CAMKMT: variants seen among roughly 807,000 people sequenced by gnomAD.
CAMKMT encodes CaM KMT.
A neutral mutation model predicts 48.0 loss-of-function variants in CAMKMT; 53 were observed. That is an observed-to-expected ratio of 1.10 (90% CI 0.89 to 1.39). The LOEUF (loss-of-function observed/expected upper bound fraction) is 1.39, where lower values mean the gene tolerates loss of function less well. Ranked by LOEUF, CAMKMT falls within the 40% of genes most tolerant of loss-of-function variation. The pLI, the probability that CAMKMT is intolerant of heterozygous loss-of-function variation, is 0.00. For synonymous variants in CAMKMT, 165 were observed against 152.3 expected, an observed-to-expected ratio of 1.08 and a Z score of -0.61; for missense variants, 428 against 402.7, an observed-to-expected ratio of 1.06 and a Z score of -0.54.
At chr2:44,700,953 T>C (rs571431585) in intron 3 of CAMKMT, among the ~76,000 whole-genome samples, 1 of 152,364 alleles carries the variant, frequency 6.6e-6, no homozygotes, top group East Asian at 1.9e-4. Flanking sequence ...AAGTCCCATC[T>C]ATGTTGTAGC....
At chr2:44,546,509 GC>G (rs1667419427) in intron 3 of CAMKMT, among the ~76,000 whole-genome samples, 1 of 152,120 alleles carries the variant, frequency 6.6e-6, no homozygotes, top group Admixed American at 6.5e-5. Context: ...CCTGACATTT[GC>G]TAATGCTATT....
intron 3 of CAMKMT, among the ~76,000 whole-genome samples, chr2:44,538,815 A>G (rs1484164116): frequency 6.6e-6 from 1 of 152,138 alleles, no homozygotes; most frequent in South Asian, 2.1e-4. Flanking sequence ...CCCAAGGAAA[A>G]GTTGCATACC....
intron 3 of CAMKMT, among the ~76,000 whole-genome samples, chr2:44,700,005 T>G (rs1399303355): frequency 2.0e-5 from 3 of 152,252 alleles, no homozygotes; most frequent in African/African-American, 7.2e-5. Context: ...TGTAGTCATC[T>G]TCATCAGTGA....
intron 3 of CAMKMT, among the ~76,000 whole-genome samples, chr2:44,628,712 A>G (rs911617595): frequency 1.3e-5 from 2 of 152,114 alleles, no homozygotes; most frequent in Non-Finnish European, 2.9e-5. Flanking sequence ...AAATTTTGAT[A>G]TGCTATATTT....
intron 3 of CAMKMT, among the ~76,000 whole-genome samples, chr2:44,493,170 C>T (rs1669595141): frequency 6.6e-6 from 1 of 152,122 alleles, no homozygotes; most frequent in Non-Finnish European, 1.5e-5. Context: ...GCTGGGATTA[C>T]AGGCATGAGC....
rs116107958 is a variant in CAMKMT, at chr2:44,483,177, T to C, written c.376+92872T>C. On this transcript the variant is annotated intron_variant, in intron 3 of 10. Coordinates refer to ENST00000378494, the MANE Select transcript of CAMKMT (RefSeq NM_024766.5). ...CTCTACTCTCTTACCTGAATAGATA[T>C]GTCACCCTCAGTCAGTGTGGGGAGA... 3.8e-3 allele frequency among the ~76,000 whole-genome samples: 585 copies of C among 152,296 alleles called. 2 individuals are homozygous for C. Among genetic ancestry groups the C allele is most frequent in the Middle Eastern group, 6.8e-3 (2 of 294 alleles).
chr2:44,695,061 AC>A (rs1676864312), intron 3 of CAMKMT, among the ~76,000 whole-genome samples: 1 of 152,228 alleles, frequency 6.6e-6, no homozygotes, highest in African/African-American at 2.4e-5. Flanking sequence ...TTAGATTAAC[AC>A]TTTAGCTACT....
intron 3 of CAMKMT, among the ~76,000 whole-genome samples, chr2:44,640,923 C>T (rs1162882414): frequency 1.3e-5 from 2 of 152,132 alleles, no homozygotes; most frequent in African/African-American, 4.8e-5. Context: ...ATCATGAGTT[C>T]CATGATCTTC....
chr2:44,455,777 T>C (rs1361965344), intron 3 of CAMKMT, among the ~76,000 whole-genome samples: 2 of 131,410 alleles, frequency 1.5e-5, no homozygotes, highest in Non-Finnish European at 3.3e-5. Flanking sequence ...AAAAAGCTAT[T>C]TTTTTTAATG....
At chr2:44,687,906 A>G (rs1169546706) in intron 3 of CAMKMT, among the ~76,000 whole-genome samples, 1 of 152,248 alleles carries the variant, frequency 6.6e-6, no homozygotes, top group East Asian at 1.9e-4. Flanking sequence ...ACACAAAACA[A>G]AAGAGCAGTT....
At chr2:44,710,189 G>A (rs988752426) in intron 6 of CAMKMT, among the ~76,000 whole-genome samples, 1 of 151,558 alleles carries the variant, frequency 6.6e-6, no homozygotes, top group East Asian at 1.9e-4. Context: ...GCAATGAATG[G>A]ATTGGTTCTG....
At chr2:44,563,872 T>G (rs1558705728) in intron 3 of CAMKMT, among the ~76,000 whole-genome samples, 1 of 152,204 alleles carries the variant, frequency 6.6e-6, no homozygotes, top group Non-Finnish European at 1.5e-5. Context: ...ATCCAGTCTG[T>G]CATTGATGGA....
chr2:44,372,752 C>A lies in CAMKMT; in HGVS notation c.175C>A (p.His59Asn). 6.2e-7 allele frequency: 1 copy of A among 1,613,420 alleles called. No homozygotes were observed. The highest frequency in any genetic ancestry group is 8.5e-7 in the Non-Finnish European group (1 of 1,179,802). ...KQKHLDDCLR[H>N]VSVRRFESFN... ...AAAACACCTGGATGATTGCCTGCGA[C>A]ATGTATCTGTAAGAAGATTTGAATC... Residue 59 changes from histidine to asparagine, a missense_variant, in exon 2 of 11, where the codon CAT becomes AAT. By Grantham distance (68) the His-to-Asn change is moderately conservative. Coordinates refer to ENST00000378494, the MANE Select transcript of CAMKMT (RefSeq NM_024766.5).
chr2:44,479,998 T>A (rs1270234626), intron 3 of CAMKMT, among the ~76,000 whole-genome samples: 1 of 152,186 alleles, frequency 6.6e-6, no homozygotes, highest in Non-Finnish European at 1.5e-5. Context: ...ATTGTTAATG[T>A]TGACTGCTGC....
At chr2:44,717,711 T>G (rs1004955588) in intron 7 of CAMKMT, among the ~76,000 whole-genome samples, 1 of 152,206 alleles carries the variant, frequency 6.6e-6, no homozygotes, top group African/African-American at 2.4e-5. Flanking sequence ...TTTCTGCTAT[T>G]AAATAGCACT....
chr2:44,614,493 A>C (rs763396320), intron 3 of CAMKMT, among the ~76,000 whole-genome samples: 71 of 152,192 alleles, frequency 4.7e-4, no homozygotes, highest in South Asian at 2.1e-4. Flanking sequence ...CAGAGAGCAA[A>C]ACGGACCAAA....
intron 1 of CAMKMT, among the ~76,000 whole-genome samples, chr2:44,366,437 T>C (rs191817886): frequency 1.8e-4 from 28 of 152,354 alleles, no homozygotes; most frequent in Middle Eastern, 6.8e-3. Context: ...TTGTTTTATA[T>C]GCTTACTTTT....
intron 6 of CAMKMT, among the ~76,000 whole-genome samples, chr2:44,709,625 T>C (rs1218510451): frequency 1.3e-5 from 2 of 152,182 alleles, no homozygotes; most frequent in Non-Finnish European, 2.9e-5. Flanking sequence ...ATGATTTTTT[T>C]TTCTATTTGC....
intron 3 of CAMKMT, among the ~76,000 whole-genome samples, chr2:44,541,783 A>G (rs1667121244): frequency 2.0e-5 from 3 of 151,956 alleles, no homozygotes. Flanking sequence ...AAAAAAAAAA[A>G]AAAGGATACA....
Sources: allele counts gnomAD v4.1 joint callset (sites outside exome capture counted in the v4.1 genomes callset), GRCh38; gene constraint gnomAD v4.1.1; transcripts MANE v1.5; gene names NCBI Gene and HGNC (gene_info 2026-07-23, HGNC 2026-07-21).